HYDIN: variants seen among roughly 807,000 people sequenced by gnomAD.
HYDIN encodes the protein axonemal central pair apparatus protein HYDIN.
In HYDIN, 132 loss-of-function variants were observed where a neutral mutation model predicts 403.9. That is an observed-to-expected ratio of 0.33 (90% confidence interval 0.28 to 0.38). HYDIN has a LOEUF of 0.38. HYDIN is among the 10% of genes least tolerant of loss of function. The probability of loss-of-function intolerance (pLI) is 1.00; values close to 1 mark genes in which losing one functional copy is unlikely to be tolerated. For missense variants in HYDIN, 2,827 were observed against 5,009.5 expected (o/e 0.56, Z 13.15); for synonymous variants, 1,202 against 1,891.7 (o/e 0.64, Z 9.46).
Position 71,184,930 on chromosome 16 carries a change from T to C in HYDIN, c.196A>G (p.Thr66Ala). 1 of 1,611,328 alleles carries C rather than the reference T, an allele frequency of 6.2e-7. No individual in the cohort carries two copies. Among genetic ancestry groups the C allele is most frequent in the South Asian group, 1.1e-5 (1 of 90,790 alleles). ...ATCTGTGGTCGGCACATCAAACGTG[T>C]TTTTGCCAGTCTCTGCTCGGTGGTC... is the stretch of plus-strand genomic sequence containing the variant. ...SLTTEQRLAK[T>A]RLMCRPQIIE... Residue 66 changes from threonine (T) to alanine (A), a missense_variant, in exon 3 of 86, where the codon ACA (threonine) becomes GCA (alanine). By Grantham distance (58) the Thr-to-Ala change is moderately conservative. Coordinates refer to ENST00000393567, the MANE Select transcript of HYDIN (RefSeq NM_001270974.2).
chr16:70,869,755 T>C (rs2039987827), intron 65 of HYDIN, among the ~76,000 whole-genome samples: 1 of 150,890 alleles, frequency 6.6e-6, no homozygotes, highest in Non-Finnish European at 1.5e-5. Context: ...TGAACAAATA[T>C]AGTAAATTGG....
In HYDIN at chr16:70,892,543, A is replaced by C; in HGVS notation, c.9249-14T>G. ...TCCACGGAAAAGCTGAAAGACAAGA[A>C]TAAGAAGTCAGCCTAGGTCATTATC... On this transcript the variant is annotated splice_polypyrimidine_tract_variant and intron_variant, in intron 55 of 85. Transcript: ENST00000393567. 2 of 1,606,050 alleles carry C rather than the reference A, an allele frequency of 1.2e-6. No individual in the cohort carries two copies. Among genetic ancestry groups the C allele is most frequent in the South Asian group, 2.2e-5 (2 of 89,818 alleles).
intron 7 of HYDIN, among the ~76,000 whole-genome samples, chr16:71,138,994 G>A (rs1426854367): frequency 6.6e-6 from 1 of 150,462 alleles, no homozygotes; most frequent in Non-Finnish European, 1.5e-5. Flanking sequence ...TGAGGCAGGA[G>A]AATCACTTGA....
At chr16:70,879,200 G>T (rs1373281500) in intron 62 of HYDIN, 97 bp downstream of exon 62, 1 of 811,348 alleles carries the variant, frequency 1.2e-6, no homozygotes, top group Non-Finnish European at 1.9e-6. Flanking sequence ...CAACAGAGAA[G>T]TCCTCATACA....
intron 9 of HYDIN, among the ~76,000 whole-genome samples, chr16:71,127,586 TC>T (rs2084519618): frequency 6.7e-6 from 1 of 150,104 alleles, no homozygotes; most frequent in Admixed American, 6.7e-5. Flanking sequence ...ATTCCAGTGT[TC>T]CTACTTCTGA....
chr16:71,226,845 A>T (rs1341963977), intron 1 of HYDIN, among the ~76,000 whole-genome samples: 1 of 152,118 alleles, frequency 6.6e-6, no homozygotes, highest in Non-Finnish European at 1.5e-5. Context: ...CTCCTCCCTA[A>T]TTCCTGTTTT....
intron 18 of HYDIN, among the ~76,000 whole-genome samples, chr16:71,037,174 T>C (rs1480508680): frequency 2.7e-5 from 4 of 149,606 alleles, no homozygotes; most frequent in African/African-American, 9.8e-5. Context: ...ACCTTCCATA[T>C]AGAGCTGTGG....
At chr16:71,117,794 T>A (rs2084097879) in intron 9 of HYDIN, among the ~76,000 whole-genome samples, 1 of 152,066 alleles carries the variant, frequency 6.6e-6, no homozygotes, top group Non-Finnish European at 1.5e-5. Context: ...AATGCAGATA[T>A]CAAACAAGAG....
At chr16:71,014,444 C>T (rs567679170) in intron 23 of HYDIN, among the ~76,000 whole-genome samples, 68 of 151,246 alleles carry the variant, frequency 4.5e-4, no homozygotes, top group African/African-American at 1.5e-3. Context: ...CCCGTTCCCA[C>T]CCCCTCCAGT....
At chr16:71,106,406 C>T (rs1282621144) in intron 10 of HYDIN, among the ~76,000 whole-genome samples, 1 of 152,138 alleles carries the variant, frequency 6.6e-6, no homozygotes, top group African/African-American at 2.4e-5. Flanking sequence ...GAGCTGTGTA[C>T]CTTGTATCCG....
rs550689091 is a variant in HYDIN, at chr16:71,114,521, T to C, written c.1327+1175A>G. On this transcript the variant is annotated intron_variant, in intron 10 of 85. Coordinates refer to ENST00000393567, the MANE Select transcript of HYDIN (RefSeq NM_001270974.2). ...CAGTTCCTTTCACTAAAGAGTGGCA[T>C]TTAGAAACCAAGCTTTGGGTGATTG... 2.0e-5 allele frequency among the ~76,000 whole-genome samples: 3 copies of C among 152,160 alleles called. No individual in the cohort carries two copies. In the East Asian group the frequency reaches 5.8e-4, roughly 29 times the overall value.
chr16:71,115,476 C>T (rs1203929102), intron 10 of HYDIN, among the ~76,000 whole-genome samples: 4 of 152,124 alleles, frequency 2.6e-5, no homozygotes, highest in African/African-American at 4.8e-5. Flanking sequence ...CTCCACATGC[C>T]ACCATAATTG....
intron 5 of HYDIN, among the ~76,000 whole-genome samples, chr16:71,173,557 G>A (rs2086550426): frequency 6.6e-6 from 1 of 152,112 alleles, no homozygotes; most frequent in Middle Eastern, 3.2e-3. Context: ...TTTAAAACAT[G>A]CACAAAGAAG....
intron 12 of HYDIN, chr16:71,080,825 T>C (rs977320801): frequency 9.4e-5 from 14 of 148,540 alleles, no homozygotes; most frequent in Non-Finnish European, 1.9e-4. Context: ...CCCACTGTAA[T>C]CACAAGGGTG....
intron 23 of HYDIN, among the ~76,000 whole-genome samples, chr16:71,009,464 G>A (rs1326840598): frequency 6.6e-6 from 1 of 150,944 alleles, no homozygotes; most frequent in African/African-American, 2.4e-5. Context: ...CATTAATAGA[G>A]GATCCATTTT....
intron 47 of HYDIN, among the ~76,000 whole-genome samples, chr16:70,917,076 C>G (rs2076863152): frequency 6.6e-6 from 1 of 152,000 alleles, no homozygotes; most frequent in African/African-American, 2.4e-5. Flanking sequence ...GTGCATGCCA[C>G]CATGCCCGGC....
At chr16:70,951,675 A>G (rs2078079899) in intron 41 of HYDIN, among the ~76,000 whole-genome samples, 1 of 151,522 alleles carries the variant, frequency 6.6e-6, no homozygotes, top group Non-Finnish European at 1.5e-5. Context: ...TCTTGAGTGG[A>G]TCGCCACATG....
intron 1 of HYDIN, among the ~76,000 whole-genome samples, chr16:71,204,353 C>G (rs1052409414): frequency 6.6e-6 from 1 of 152,176 alleles, no homozygotes; most frequent in Admixed American, 6.5e-5. Flanking sequence ...ATTGACACTT[C>G]CATGGCTCCA....
intron 50 of HYDIN, among the ~76,000 whole-genome samples, chr16:70,906,634 G>A (rs1229336369): frequency 6.6e-6 from 1 of 151,966 alleles, no homozygotes; most frequent in Non-Finnish European, 1.5e-5. Context: ...CCTGCCCTGC[G>A]CTCCAGGCTT....
Sources: allele counts gnomAD v4.1 joint callset (sites outside exome capture counted in the v4.1 genomes callset), GRCh38; gene constraint gnomAD v4.1.1; transcripts MANE v1.5; gene names NCBI Gene and HGNC (gene_info 2026-07-23, HGNC 2026-07-21).